The following SSBP3 variants were observed in gnomAD, a reference collection of about 807,000 sequenced individuals.
SSBP3 encodes the protein single-stranded DNA-binding protein 3.
Under a neutral mutation model 69.6 loss-of-function variants are expected in SSBP3, and 5 were observed. That is an observed-to-expected ratio of 0.07 (90% CI 0.04 to 0.15). SSBP3 has a LOEUF of 0.15. Ranked by LOEUF, SSBP3 falls within the 10% of genes least tolerant of loss-of-function variation. The pLI, the probability that SSBP3 is intolerant of heterozygous loss-of-function variation, is 1.00. For missense variants in SSBP3, 312 were observed against 534.0 expected (o/e 0.58, Z 4.10); for synonymous variants, 196 against 193.4 (o/e 1.01, Z -0.11).
intron 7 of SSBP3, among the ~76,000 whole-genome samples, chr1:54,255,420 CT>C (rs1402230280): frequency 2.6e-5 from 4 of 152,154 alleles, no homozygotes; most frequent in South Asian, 2.1e-4. Context: ...GCTGGCGCCC[CT>C]ATGTGCCACG....
intron 4 of SSBP3, among the ~76,000 whole-genome samples, chr1:54,334,813 C>G (rs1458891685): frequency 6.6e-6 from 1 of 152,212 alleles, no homozygotes; most frequent in Non-Finnish European, 1.5e-5. Flanking sequence ...AGCCGACTGG[C>G]AGCTACATTC....
At chr1:54,400,793 T>C (rs1649238980) in intron 4 of SSBP3, among the ~76,000 whole-genome samples, 2 of 152,210 alleles carry the variant, frequency 1.3e-5, no homozygotes, top group South Asian at 4.1e-4. Flanking sequence ...ATTTGACCAC[T>C]TGTGAAATAA....
intron 4 of SSBP3, among the ~76,000 whole-genome samples, chr1:54,294,135 T>G (rs1645656067): frequency 1.3e-5 from 1 of 78,176 alleles, no homozygotes. Flanking sequence ...AGAGTGAGAC[T>G]CCATCTCAAA....
chr1:54,316,892 A>C (rs1017789321), intron 4 of SSBP3, among the ~76,000 whole-genome samples: 7 of 152,040 alleles, frequency 4.6e-5, no homozygotes, highest in African/African-American at 1.7e-4. Context: ...TGCTTCAAAA[A>C]TGGCACCTTC....
At chr1:54,369,178 T>C (rs1029180685) in intron 4 of SSBP3, among the ~76,000 whole-genome samples, 2 of 149,344 alleles carry the variant, frequency 1.3e-5, no homozygotes, top group African/African-American at 2.5e-5. Context: ...GTTGATTTTC[T>C]TTAAATCTGC....
At chr1:54,370,695 A>G (rs1409538706) in intron 4 of SSBP3, among the ~76,000 whole-genome samples, 1 of 152,168 alleles carries the variant, frequency 6.6e-6, no homozygotes, top group African/African-American at 2.4e-5. Context: ...TGTTCTACAA[A>G]GTGTCCAGTG....
At chr1:54,404,432 C>CCGGAGTGCCT (rs1649544108) in intron 3 of SSBP3, 144 bp downstream of exon 3, 1 of 914,274 alleles carries the variant, frequency 1.1e-6, no homozygotes, top group South Asian at 1.6e-5. Context: ...GCCAGCTGGG[C>CCGGAGTGCCT]CGGAGTGCCT....
At chr1:54,330,209 A>T (rs905491470) in intron 4 of SSBP3, among the ~76,000 whole-genome samples, 3 of 152,180 alleles carry the variant, frequency 2.0e-5, no homozygotes, top group African/African-American at 7.2e-5. Flanking sequence ...GCCAAACTGA[A>T]AAAAACGCAA....
intron 4 of SSBP3, among the ~76,000 whole-genome samples, chr1:54,394,403 CT>C (rs1648712721): frequency 6.6e-6 from 1 of 151,796 alleles, no homozygotes; most frequent in Admixed American, 6.6e-5. Context: ...TCCATACTGA[CT>C]GTATCTTGGT....
chr1:54,242,889 G>T (rs996848084), intron 10 of SSBP3: 4 of 201,950 alleles, frequency 2.0e-5, no homozygotes, highest in Non-Finnish European at 4.0e-5. Context: ...GGCGGAGATT[G>T]CAGTAAGCCA....
intron 14 of SSBP3, chr1:54,238,738 C>G (rs1173638511): frequency 3.1e-6 from 1 of 320,224 alleles, no homozygotes; most frequent in East Asian, 8.8e-5. Flanking sequence ...TGGCTCCACC[C>G]TCAACTCCAT....
intron 4 of SSBP3, among the ~76,000 whole-genome samples, chr1:54,342,462 G>T (rs1484120119): frequency 1.3e-5 from 2 of 152,184 alleles, no homozygotes; most frequent in African/African-American, 4.8e-5. Context: ...TGGGGCCAGG[G>T]CAGGTGTGGG....
intron 7 of SSBP3, among the ~76,000 whole-genome samples, chr1:54,256,269 AT>A (rs1428254002): frequency 6.6e-6 from 1 of 152,148 alleles, no homozygotes; most frequent in Non-Finnish European, 1.5e-5. Flanking sequence ...CTTCTGTCAG[AT>A]TTTTTTGAAG....
upstream of SSBP3, among the ~76,000 whole-genome samples, chr1:54,407,215 A>C (rs540325697): frequency 6.6e-6 from 1 of 152,180 alleles, no homozygotes; most frequent in African/African-American, 2.4e-5. Context: ...ATTTCTCCCA[A>C]ATTTCCAAGG....
At chr1:54,355,507 C>T (rs115260692) in intron 4 of SSBP3, among the ~76,000 whole-genome samples, 3,609 of 152,152 alleles carry the variant, frequency 0.024, 165 homozygotes, top group African/African-American at 0.083. Flanking sequence ...TGCCACCATG[C>T]GTGACTAATT....
chr1:54,327,176 C>A (rs1470958656), intron 4 of SSBP3, among the ~76,000 whole-genome samples: 1 of 150,370 alleles, frequency 6.7e-6, no homozygotes, highest in Non-Finnish European at 1.5e-5. Context: ...GTGCAGAATG[C>A]CCTTCTCCCG....
chr1:54,268,164 C>A (rs976508438), intron 5 of SSBP3, among the ~76,000 whole-genome samples: 1 of 152,228 alleles, frequency 6.6e-6, no homozygotes. Context: ...GAGATGGGCC[C>A]GGGATCCAGA....
chr1:54,374,217 T>C (rs1647180206), intron 4 of SSBP3, among the ~76,000 whole-genome samples: 1 of 152,156 alleles, frequency 6.6e-6, no homozygotes, highest in African/African-American at 2.4e-5. Context: ...CGGGAATGTG[T>C]GCGGAGGCAG....
At chr1:54,372,168 A>AT (rs1647146011) in intron 4 of SSBP3, among the ~76,000 whole-genome samples, 1 of 152,134 alleles carries the variant, frequency 6.6e-6, no homozygotes, top group South Asian at 2.1e-4. Context: ...GCCCTGACAA[A>AT]TTACTTCCCT....
Sources: gnomAD v4.1 joint callset for allele counts (sites outside exome capture counted in the v4.1 genomes callset) on GRCh38, gnomAD v4.1.1 for gene constraint, MANE v1.5 for transcripts, NCBI Gene and HGNC (gene_info 2026-07-23, HGNC 2026-07-21) for gene names.